Variants in CLPB observed in about 807,000 individuals in gnomAD.
CLPB encodes ClpB family mitochondrial disaggregase.
CLPB carries 40 observed loss-of-function variants against 78.4 expected under a neutral mutation model. The observed-to-expected ratio is 0.51, with a 90% confidence interval of 0.40 to 0.66. CLPB has a LOEUF of 0.66. CLPB is among the 30% of genes least tolerant of loss of function. The pLI, the probability that CLPB is intolerant of heterozygous loss-of-function variation, is 0.00. For synonymous variants in CLPB, 333 were observed against 348.0 expected (o/e 0.96, Z 0.48); for missense variants, 780 against 886.9 (o/e 0.88, Z 1.53).
intron 11 of CLPB, among the ~76,000 whole-genome samples, chr11:72,300,945 G>A (rs1040924909): frequency 6.6e-6 from 1 of 152,090 alleles, no homozygotes; most frequent in African/African-American, 2.4e-5. Flanking sequence ...CAGTGGTATG[G>A]GGGGAGAATT....
chr11:72,328,179 G>A (rs932923390), intron 6 of CLPB, among the ~76,000 whole-genome samples: 95 of 152,282 alleles, frequency 6.2e-4, no homozygotes, highest in African/African-American at 2.2e-3. Flanking sequence ...ACCCTTCAGA[G>A]CATCCTTTTC....
At chr11:72,386,349 T>C (rs896005530) in intron 3 of CLPB, among the ~76,000 whole-genome samples, 1 of 152,184 alleles carries the variant, frequency 6.6e-6, no homozygotes, top group Non-Finnish European at 1.5e-5. Flanking sequence ...TTACTAACCT[T>C]CAAAACTGCT....
At position 72,331,359 on chromosome 11, in the gene CLPB, G is replaced by A. The variant is rs549981407; in HGVS notation, c.776-1555C>T. Among the ~76,000 whole-genome samples, 6 of 150,714 alleles carry A rather than the reference G, an allele frequency of 4.0e-5. No homozygotes were observed. The South Asian group carries it at 6.3e-4, about 16-fold the overall frequency. ...GCGGAGCTTGCAGTGAGCAGAGATCGCGCCACTGCACTCTAGCCTGGGCGA... is the reference window on the plus strand; with the variant it reads ...GCGGAGCTTGCAGTGAGCAGAGATCACGCCACTGCACTCTAGCCTGGGCGA... On this transcript the variant is annotated intron_variant, in intron 5 of 15. Coordinates refer to ENST00000538039, the MANE Select transcript of CLPB (RefSeq NM_001258392.3).
chr11:72,416,800 A>G (rs1347668213), intron 2 of CLPB, among the ~76,000 whole-genome samples: 1 of 152,166 alleles, frequency 6.6e-6, no homozygotes, highest in East Asian at 1.9e-4. Flanking sequence ...GAAATGGCCA[A>G]TAAGCACATA....
chr11:72,296,003 G>A (rs900102704), intron 11 of CLPB, among the ~76,000 whole-genome samples: 9 of 152,220 alleles, frequency 5.9e-5, no homozygotes, highest in Non-Finnish European at 1.3e-4. Flanking sequence ...CTGTGGGCCA[G>A]GATCTGTGGT....
At chr11:72,336,917 T>A in intron 5 of CLPB, 1 of 394,900 alleles carries the variant, frequency 2.5e-6, no homozygotes, top group Non-Finnish European at 4.5e-6. Flanking sequence ...ATTACCCAGA[T>A]CCTGCCCATT....
chr11:72,373,392 C>T (rs182692047), intron 4 of CLPB, among the ~76,000 whole-genome samples: 1 of 152,210 alleles, frequency 6.6e-6, no homozygotes, highest in African/African-American at 2.4e-5. Flanking sequence ...TAATTTATTA[C>T]CTCCTCCATC....
chr11:72,319,990 T>C (rs567872990), intron 6 of CLPB, among the ~76,000 whole-genome samples: 30 of 152,358 alleles, frequency 2.0e-4, no homozygotes, highest in Middle Eastern at 3.4e-3. Context: ...TCCACTTGGT[T>C]GCTACCACTG....
rs541575388 is a variant in CLPB, at chr11:72,358,254, A to G, written c.775+626T>C. Among the ~76,000 whole-genome samples, 38 of 152,336 alleles carry G rather than the reference A, an allele frequency of 2.5e-4. No individual in the cohort carries two copies. In the South Asian group the frequency reaches 7.9e-3, roughly 32 times the overall value. On this transcript the variant is annotated intron_variant, in intron 5 of 15. Transcript: ENST00000538039. ...GTGCTTACTAAGTGCCAAGTACTATAGTAGATGCTGGGGACACTTGAACCA... is the reference window on the plus strand; with the variant it reads ...GTGCTTACTAAGTGCCAAGTACTATGGTAGATGCTGGGGACACTTGAACCA...
chr11:72,431,462 T>G (rs1856543736), intron 1 of CLPB, among the ~76,000 whole-genome samples: 1 of 152,340 alleles, frequency 6.6e-6, no homozygotes, highest in South Asian at 2.1e-4. Flanking sequence ...CTGTATAACC[T>G]AGCCCACCTA....
In CLPB at chr11:72,287,538, C is replaced by T. The variant is rs145664981; in HGVS notation, c.*5829G>A. 2 of 152,310 alleles carry T rather than the reference C, an allele frequency of 1.3e-5. No individual in the cohort carries two copies. The highest frequency in any genetic ancestry group is 1.3e-4 in the Admixed American group (2 of 15,266). The allele number at this position is 152,310 out of a possible 1,614,324, so 9.4% of individuals were successfully genotyped here. Reference sequence around the variant, plus strand: ...ATGTTGCCCAGGCTGGTCTCAGACTCCGGGGCTCAAGTGATCTGCCTGCCT... The same window carrying T: ...ATGTTGCCCAGGCTGGTCTCAGACTTCGGGGCTCAAGTGATCTGCCTGCCT... On this transcript the variant is annotated 3_prime_UTR_variant, in exon 16 of 16. Transcript: ENST00000538039.
chr11:72,296,941 A>G (rs1949561872), intron 11 of CLPB, among the ~76,000 whole-genome samples: 1 of 152,202 alleles, frequency 6.6e-6, no homozygotes, highest in African/African-American at 2.4e-5. Flanking sequence ...GACTTGAACT[A>G]TCTGACCTCA....
At chr11:72,383,425 GA>G (rs1272104549) in intron 3 of CLPB, among the ~76,000 whole-genome samples, 62 of 151,676 alleles carry the variant, frequency 4.1e-4, no homozygotes, top group Middle Eastern at 3.4e-3. Flanking sequence ...CAGCTACTCG[GA>G]AGGCTGAGGC....
chr11:72,402,979 TG>T lies in CLPB; in HGVS notation c.528del (p.Asn177ThrfsTer41). On this transcript the variant is annotated frameshift_variant, in exon 3 of 16. Transcript: ENST00000538039. LOFTEE classifies it high-confidence loss of function. ...LGWTALMVAA[I>X]NRNNSVVQVL... ...GTGGTCTCTCACCTGTTGTTTCGGT[TG>T]ATGGCTGCCACCATGAGTGCTGTCC... is the stretch of plus-strand genomic sequence containing the variant. The T allele has an allele frequency of 1.2e-6, 2 of 1,613,920 alleles. No individual in the cohort carries two copies. Among genetic ancestry groups the T allele is most frequent in the Non-Finnish European group, 1.7e-6 (2 of 1,180,002 alleles).
rs1855609875 is a variant in CLPB, at chr11:72,403,044, G to A, written c.464C>T (p.Ser155Leu). 1 of 1,613,212 alleles carries A rather than the reference G, an allele frequency of 6.2e-7. No homozygotes were observed. Among genetic ancestry groups the A allele is most frequent in the Non-Finnish European group, 8.5e-7 (1 of 1,179,898 alleles). The change falls in exon 3 of 16, where the codon TCA becomes TTA. Residue 155 changes from serine (S) to leucine (L), a missense_variant. This residue lies in a region of CLPB where 417 missense variants were observed against 414.7 expected (regional missense o/e 1.01). Transcript: ENST00000538039. ...CTTTGCATTGACATCTGCACCTTCT[G>A]ACAACAGCCTAAAACAAGACAGAGG... Reference protein sequence around the residue: ...NNMQEVSRLLSEGADVNAKHR... With the variant: ...NNMQEVSRLLLEGADVNAKHR...
intron 5 of CLPB, among the ~76,000 whole-genome samples, chr11:72,357,568 T>C (rs1466936942): frequency 6.6e-6 from 1 of 151,744 alleles, no homozygotes; most frequent in Non-Finnish European, 1.5e-5. Context: ...TGGTGGAACA[T>C]GCCTGTAATC....
Position 72,302,739 on chromosome 11 carries a change from T to G in CLPB, c.1123-391A>C, listed in dbSNP as rs1043716622. 2.3e-5 allele frequency: 6 copies of G among 262,616 alleles called. No individual in the cohort carries two copies. The South Asian group carries it at 3.0e-4, about 13-fold the overall frequency. 16.3% of individuals were successfully genotyped at this position (262,616 alleles called of 1,614,324 possible). On this transcript the variant is annotated intron_variant, in intron 9 of 15. Coordinates refer to ENST00000538039, the MANE Select transcript of CLPB (RefSeq NM_001258392.3). The stretch of plus-strand genomic sequence containing the variant: ...AGGGAACAAGTCTTGGTCTCTGTCC[T>G]TAAGAAGCACCCCATCGAATGGTGC...
At chr11:72,310,050 G>T (rs1949816635) in intron 7 of CLPB, among the ~76,000 whole-genome samples, 1 of 152,148 alleles carries the variant, frequency 6.6e-6, no homozygotes, top group Non-Finnish European at 1.5e-5. Context: ...ATTTGAAGAG[G>T]CAAAGGTGGC....
At chr11:72,335,855 C>A (rs1276712341) in intron 5 of CLPB, among the ~76,000 whole-genome samples, 1 of 152,236 alleles carries the variant, frequency 6.6e-6, no homozygotes, top group African/African-American at 2.4e-5. Flanking sequence ...GCTGTTCTTT[C>A]TGCCCCAGGA....
Sources: gnomAD v4.1 joint callset for allele counts (sites outside exome capture counted in the v4.1 genomes callset) on GRCh38, gnomAD v4.1.1 for gene constraint, gnomAD v4.1.1 regional missense constraint, MANE v1.5 for transcripts, NCBI Gene and HGNC (gene_info 2026-07-23, HGNC 2026-07-21) for gene names.